SEMA3C: variants seen among roughly 807,000 people sequenced by gnomAD.
SEMA3C encodes semaphorin 3C.
A neutral mutation model predicts 89.4 loss-of-function variants in SEMA3C; 47 were observed. The ratio of observed to expected loss-of-function variants is 0.53; its 90% confidence interval spans 0.42 to 0.67. SEMA3C has a LOEUF of 0.67. SEMA3C is among the 30% of genes least tolerant of loss of function. The pLI is 0.00. For synonymous variants in SEMA3C, 310 were observed against 320.2 expected (o/e 0.97, Z 0.34); for missense variants, 839 against 929.1 (o/e 0.90, Z 1.26).
chr7:80,748,204 A>C (rs1226273031), intron 17 of SEMA3C, among the ~76,000 whole-genome samples: 1 of 152,146 alleles, frequency 6.6e-6, no homozygotes, highest in Admixed American at 6.6e-5. Context: ...TGTCAGGACA[A>C]CATGACATCA....
chr7:80,789,479 G>C lies in SEMA3C; in HGVS notation c.1181C>G (p.Pro394Arg). ...CCGAATAAAAGTGACAACATCATCT[G>C]GGAACTCCTTGGTGGTTCGCATATT... ...TPNMRTTKEF[P>R]DDVVTFIRNH... Residue 394 changes from proline (P) to arginine (R), a missense_variant, in exon 12 of 18, where the codon CCA (proline) becomes CGA (arginine). Pro to Arg is a moderately radical substitution (Grantham distance 103). Transcript: ENST00000265361. The C allele has an allele frequency of 6.2e-7, 1 of 1,613,894 alleles. No individual in the cohort carries two copies. The highest frequency in any genetic ancestry group is 8.5e-7 in the Non-Finnish European group (1 of 1,179,920).
At chr7:80,794,709 T>A (rs1226929442) in intron 11 of SEMA3C, among the ~76,000 whole-genome samples, 1 of 152,218 alleles carries the variant, frequency 6.6e-6, no homozygotes, top group South Asian at 2.1e-4. Flanking sequence ...TATACAACTA[T>A]ACAAACAATC....
chr7:80,846,574 T>A (rs1042468295), intron 2 of SEMA3C, among the ~76,000 whole-genome samples: 5 of 152,074 alleles, frequency 3.3e-5, no homozygotes, highest in African/African-American at 1.2e-4. Flanking sequence ...CAAGTAATCC[T>A]TCCATATCAG....
chr7:80,820,118 C>T (rs1789710078), intron 4 of SEMA3C, among the ~76,000 whole-genome samples: 2 of 141,240 alleles, frequency 1.4e-5, no homozygotes, highest in African/African-American at 2.6e-5. Flanking sequence ...TGTGCTGTGG[C>T]GTGATCTCAG....
rs530721424 is a variant in SEMA3C, at chr7:80,871,210, C to T, written c.104-42465G>A. The stretch of plus-strand genomic sequence containing the variant: ...CCCAATAAAAAAGTCAAGAGGGGAG[C>T]GAGTAGGAGAGTTGGTAAAGATATG... On this transcript the variant is annotated intron_variant, in intron 2 of 17. Transcript: ENST00000265361. 2.6e-4 allele frequency among the ~76,000 whole-genome samples: 39 copies of T among 152,180 alleles called. No homozygotes were observed. The South Asian group carries it at 6.4e-3, about 25-fold the overall frequency.
intron 2 of SEMA3C, among the ~76,000 whole-genome samples, chr7:80,887,566 C>T (rs1791513128): frequency 6.6e-6 from 1 of 152,122 alleles, no homozygotes; most frequent in South Asian, 2.1e-4. Context: ...CAGTATTAAA[C>T]AATACAGTAG....
intron 12 of SEMA3C, among the ~76,000 whole-genome samples, chr7:80,769,658 G>C (rs1214084545): frequency 1.3e-5 from 2 of 152,196 alleles, no homozygotes. Context: ...AGGAGTTAGA[G>C]ACCAGCCTGG....
chr7:80,827,400 T>G (rs756154408), intron 4 of SEMA3C, 25 bp downstream of exon 4: 107,611 of 1,453,160 alleles, frequency 0.074, 626 homozygotes, highest in Non-Finnish European at 0.086. Context: ...GTGTTTTTTT[T>G]TTTTTTTTTT....
chr7:80,758,039 C>T (rs550219173), intron 15 of SEMA3C, among the ~76,000 whole-genome samples: 1 of 151,974 alleles, frequency 6.6e-6, no homozygotes, highest in Non-Finnish European at 1.5e-5. Context: ...AAGCTAAATG[C>T]TACTTGAAAT....
At chr7:80,767,590 T>C (rs1338841803) in intron 12 of SEMA3C, among the ~76,000 whole-genome samples, 2 of 152,232 alleles carry the variant, frequency 1.3e-5, no homozygotes, top group Admixed American at 6.5e-5. Context: ...TTACTTAAAA[T>C]GTTTTTATTA....
At chr7:80,824,590 C>A (rs73139734) in intron 4 of SEMA3C, among the ~76,000 whole-genome samples, 24,497 of 152,154 alleles carry the variant, frequency 0.16, 2,150 homozygotes, top group Non-Finnish European at 0.2. Flanking sequence ...ACTACAAAAT[C>A]TATCAAACCT....
At chr7:80,794,998 G>A (rs1035890930) in intron 11 of SEMA3C, among the ~76,000 whole-genome samples, 1 of 152,132 alleles carries the variant, frequency 6.6e-6, no homozygotes, top group Non-Finnish European at 1.5e-5. Context: ...ATTTCTGCCA[G>A]TCTCATTTCT....
At chr7:80,789,059 C>A (rs1562875504) in intron 12 of SEMA3C, among the ~76,000 whole-genome samples, 3 of 151,870 alleles carry the variant, frequency 2.0e-5, no homozygotes, top group African/African-American at 7.3e-5. Context: ...GCCCTACCTA[C>A]ATATATATAT....
At chr7:80,790,020 C>A (rs2115587599) in intron 11 of SEMA3C, among the ~76,000 whole-genome samples, 1 of 152,218 alleles carries the variant, frequency 6.6e-6, no homozygotes, top group African/African-American at 2.4e-5. Flanking sequence ...TTAGGTGGCT[C>A]AGGCCTGTAA....
chr7:80,829,812 T>G (rs1789968798), intron 2 of SEMA3C, among the ~76,000 whole-genome samples: 2 of 152,124 alleles, frequency 1.3e-5, no homozygotes, highest in Non-Finnish European at 2.9e-5. Flanking sequence ...ACTTTAGACT[T>G]TTCTATTCAA....
chr7:80,779,323 A>G (rs1788637060), intron 12 of SEMA3C, among the ~76,000 whole-genome samples: 1 of 152,130 alleles, frequency 6.6e-6, no homozygotes, highest in Non-Finnish European at 1.5e-5. Context: ...AAAAGAGGAG[A>G]TAAGTGTGCC....
rs1788879353 is a variant in SEMA3C, at chr7:80,789,348, T to A, written c.1312A>T (p.Asn438Tyr). 6.2e-7 allele frequency: 1 copy of A among 1,614,046 alleles called. No individual in the cohort carries two copies. The highest frequency in any genetic ancestry group is 2.2e-5 in the East Asian group (1 of 44,872). ...KYTKIAVDRV[N>Y]AADGRYHVLF... is the part of the protein sequence containing the mutation. ...ACATGGTATCTCCCATCAGCAGCGT[T>A]CACTCGATCCACAGCTATCTTTGTA... Residue 438 changes from asparagine (N) to tyrosine (Y), a missense_variant, in exon 12 of 18, where the codon AAC (asparagine) becomes TAC (tyrosine). Asn to Tyr is a moderately radical substitution (Grantham distance 143, BLOSUM62 -2). Coordinates refer to ENST00000265361, the MANE Select transcript of SEMA3C (RefSeq NM_006379.5).
At chr7:80,843,000 G>A (rs1263470978) in intron 2 of SEMA3C, among the ~76,000 whole-genome samples, 1 of 152,078 alleles carries the variant, frequency 6.6e-6, no homozygotes, top group Non-Finnish European at 1.5e-5. Context: ...TACATTTCCA[G>A]TCCAAAAATC....
rs376294962 is a variant in SEMA3C, at chr7:80,774,148, T to G, written c.1355-8905A>C. On this transcript the variant is annotated intron_variant, in intron 12 of 17. Coordinates refer to ENST00000265361, the MANE Select transcript of SEMA3C (RefSeq NM_006379.5). ...ACTGGAGTGACATGCTTTAAGCATA[T>G]GCATTCAAACAAAGAGTAGTACAAG... Among the ~76,000 whole-genome samples the G allele has an allele frequency of 1.2e-3, 184 of 152,322 alleles. 1 individual carries two copies. The highest frequency in any genetic ancestry group is 3.7e-3 in the African/African-American group (155 of 41,574).
Sources: gnomAD v4.1 joint callset for allele counts (sites outside exome capture counted in the v4.1 genomes callset) on GRCh38, gnomAD v4.1.1 for gene constraint, MANE v1.5 for transcripts, NCBI Gene and HGNC (gene_info 2026-07-23, HGNC 2026-07-21) for gene names.